Variants in GRM4 observed in about 807,000 individuals in gnomAD.
GRM4 encodes glutamate metabotropic receptor 4.
In GRM4, 28 loss-of-function variants were observed where a neutral mutation model predicts 81.7. That is an observed-to-expected ratio of 0.34 (90% CI 0.25 to 0.47). The LOEUF is 0.47. Ranked by LOEUF, GRM4 falls within the 20% of genes least tolerant of loss-of-function variation. GRM4 has a pLI of 1.00. For synonymous variants in GRM4, 488 were observed against 528.8 expected, an observed-to-expected ratio of 0.92 and a Z score of 1.06; for missense variants, 948 against 1,290.0, an observed-to-expected ratio of 0.73 and a Z score of 4.06.
At chr6:34,142,565 G>C (rs184062952) in intron 1 of GRM4, among the ~76,000 whole-genome samples, 119 of 152,326 alleles carry the variant, frequency 7.8e-4, no homozygotes, top group African/African-American at 2.5e-3. Flanking sequence ...GTGGGGATGG[G>C]TGTGGCCACA....
At chr6:34,038,277 T>A (rs1764820650) in intron 8 of GRM4, among the ~76,000 whole-genome samples, 1 of 152,282 alleles carries the variant, frequency 6.6e-6, no homozygotes. Context: ...TCTGATCCAA[T>A]GAAAGCAGAT....
intron 2 of GRM4, among the ~76,000 whole-genome samples, chr6:34,119,265 G>A (rs762345097): frequency 1.1e-4 from 16 of 152,248 alleles, no homozygotes; most frequent in Non-Finnish European, 2.4e-4. Flanking sequence ...GCATGGTGGC[G>A]GGCGCCTGTA....
In GRM4 at chr6:34,062,089, T is replaced by A; in HGVS notation, c.737-61A>T. 4 of 1,547,846 alleles carry A rather than the reference T, an allele frequency of 2.6e-6. No individual in the cohort carries two copies. In the South Asian group the frequency reaches 4.8e-5, roughly 19 times the overall value. On this transcript the variant is annotated intron_variant, in intron 3 of 10. Transcript: ENST00000538487. ...GGGAACCTGAGTCTCCCCACCACTC[T>A]CCCAACATACACTCCGGGAGATGGG...
At chr6:34,075,518 TGGA>T (rs901735148) in intron 3 of GRM4, among the ~76,000 whole-genome samples, 6 of 152,170 alleles carry the variant, frequency 3.9e-5, no homozygotes, top group African/African-American at 1.2e-4. Context: ...TTTCCTGCAG[TGGA>T]AGCTCATCGT....
chr6:34,140,700 T>A, intron 1 of GRM4, among the ~76,000 whole-genome samples: 1 of 152,120 alleles, frequency 6.6e-6, no homozygotes, highest in East Asian at 1.9e-4. Context: ...CTCCTCCCCA[T>A]CCCTACATGC....
Position 34,036,316 on chromosome 6 carries a change from G to T in GRM4, c.1794C>A (p.Gly598=), listed in dbSNP as rs1222246943. Residue 598 remains glycine (G), a synonymous_variant, in exon 9 of 11, where the codon GGC becomes GGA. Coordinates refer to ENST00000538487, the MANE Select transcript of GRM4 (RefSeq NM_000841.4). The surrounding 1 kb of genome is among the most constrained non-coding windows in gnomAD (Gnocchi z 9.0). ...TCACCACGAACAACGTGGCAGCGAT[G>T]CCCACCACGGCCAGGAAGAGGGGCA... ...AVLPLFLAVV[G]IAATLFVVIT... The T allele has an allele frequency of 6.2e-7, 1 of 1,614,064 alleles. No individual in the cohort carries two copies. Among genetic ancestry groups the T allele is most frequent in the East Asian group, 2.2e-5 (1 of 44,884 alleles).
At chr6:34,125,221 C>A (rs550114614) in intron 2 of GRM4, among the ~76,000 whole-genome samples, 2 of 152,340 alleles carry the variant, frequency 1.3e-5, no homozygotes, top group East Asian at 3.9e-4. Context: ...GATCCGCCCG[C>A]CTTGGCTTCC....
chr6:34,045,697 G>A (rs930082797), intron 6 of GRM4, among the ~76,000 whole-genome samples: 2 of 152,218 alleles, frequency 1.3e-5, no homozygotes, highest in Non-Finnish European at 2.9e-5. Context: ...CAGGAAGGTG[G>A]CAGTGAAGAG....
At position 34,069,646 on chromosome 6, in the gene GRM4, C is replaced by CTG. The variant is rs1561788860; in HGVS notation, c.737-7619_737-7618insCA. On this transcript the variant is annotated intron_variant, in intron 3 of 10. Coordinates refer to ENST00000538487, the MANE Select transcript of GRM4 (RefSeq NM_000841.4). The surrounding 1 kb of genome is among the most constrained non-coding windows in gnomAD (Gnocchi z 6.4). Reference sequence around the variant, plus strand: ...CGGCTTTACAACCCTTGGCAGCCCCCAGTGTGTGTGTGTGTGTGTGTGTGT... The same window carrying CTG: ...CGGCTTTACAACCCTTGGCAGCCCCCTGAGTGTGTGTGTGTGTGTGTGTGTGT... Among the ~76,000 whole-genome samples, 4 of 125,992 alleles carry CTG rather than the reference C, an allele frequency of 3.2e-5. No individual in the cohort carries two copies. Among genetic ancestry groups the CTG allele is most frequent in the Non-Finnish European group, 6.3e-5 (4 of 63,272 alleles). The allele number at this position is 125,992 out of a possible 152,430, so 82.7% of individuals were successfully genotyped here.
chr6:34,122,594 A>G (rs1769854303), intron 2 of GRM4, among the ~76,000 whole-genome samples: 1 of 136,804 alleles, frequency 7.3e-6, no homozygotes, highest in African/African-American at 2.7e-5. Flanking sequence ...ATGAAGGCAC[A>G]TGGTTCATTC....
chr6:34,070,569 G>T lies in GRM4; in HGVS notation c.737-8541C>A, dbSNP rs145537807. 2.6e-3 allele frequency among the ~76,000 whole-genome samples: 402 copies of T among 152,088 alleles called. 1 individual carries two copies. The highest frequency in any genetic ancestry group is 9.3e-3 in the African/African-American group (385 of 41,458). The stretch of plus-strand genomic sequence containing the variant: ...GCCCCCTGGAGCCAACACCTCTGGG[G>T]AGCGGGTAAGGCCTAGTGGGGTGGG... On this transcript the variant is annotated intron_variant, in intron 3 of 10. Transcript: ENST00000538487. The surrounding 1 kb of genome is among the most constrained non-coding windows in gnomAD (Gnocchi z 4.6).
chr6:34,059,070 A>G lies in GRM4; in HGVS notation c.931T>C (p.Ser311Pro), dbSNP rs1766048346. Residue 311 changes from serine (S) to proline (P), a missense_variant, in exon 5 of 11, where the codon TCT becomes CCT. Physicochemically the swap from Ser to Pro is moderately conservative, Grantham distance 74. Transcript: ENST00000538487. The surrounding 1 kb of genome is among the most constrained non-coding windows in gnomAD (Gnocchi z 5.7). Reference sequence around the variant, plus strand: ...GCAATCTTGGAGCCCCAGCTGTCAGAGCCCATCCAGAAGAAATGGCCTGTC... The same window carrying G: ...GCAATCTTGGAGCCCCAGCTGTCAGGGCCCATCCAGAAGAAATGGCCTGTC... ...NQTGHFFWMG[S>P]DSWGSKIAPV... The G allele has an allele frequency of 6.2e-7, 1 of 1,613,978 alleles. No homozygotes were observed. The highest frequency in any genetic ancestry group is 8.5e-7 in the Non-Finnish European group (1 of 1,179,964).
intron 2 of GRM4, among the ~76,000 whole-genome samples, chr6:34,095,562 C>G (rs1250914830): frequency 6.6e-6 from 1 of 152,242 alleles, no homozygotes; most frequent in Non-Finnish European, 1.5e-5. Flanking sequence ...TCAAGCAAAG[C>G]ACTCAGAACA....
intron 3 of GRM4, among the ~76,000 whole-genome samples, chr6:34,075,013 G>A: frequency 6.7e-6 from 1 of 149,582 alleles, no homozygotes; most frequent in East Asian, 2.0e-4. Flanking sequence ...CTCAAGGCTT[G>A]CACAGCGTCA....
chr6:34,048,154 T>C lies in GRM4; in HGVS notation c.1169-7406A>G, dbSNP rs1325672949. Among the ~76,000 whole-genome samples, 1 of 152,166 alleles carries C rather than the reference T, an allele frequency of 6.6e-6. No homozygotes were observed. Among genetic ancestry groups the C allele is most frequent in the Admixed American group, 6.5e-5 (1 of 15,282 alleles). ...CTGCGAATCTGGCCTCAAGAATGTG[T>C]CCTCAGATGTCCACAGACCTAGCTT... On this transcript the variant is annotated intron_variant, in intron 6 of 10. Coordinates refer to ENST00000538487, the MANE Select transcript of GRM4 (RefSeq NM_000841.4). This position sits in a 1 kb window ranked among gnomAD's most constrained non-coding sequence, Gnocchi z 4.0.
chr6:34,093,074 G>C (rs1430979692), intron 2 of GRM4, among the ~76,000 whole-genome samples: 1 of 152,036 alleles, frequency 6.6e-6, no homozygotes, highest in African/African-American at 2.4e-5. Flanking sequence ...AGGGAGACAG[G>C]GGTGGGGAAT....
At chr6:34,139,689 C>G (rs1204518625) in intron 1 of GRM4, among the ~76,000 whole-genome samples, 6 of 152,234 alleles carry the variant, frequency 3.9e-5, no homozygotes, top group Non-Finnish European at 8.8e-5. Flanking sequence ...AGGAAAGACT[C>G]AGTAACTGAC....
At position 34,035,837 on chromosome 6, in the gene GRM4, C is replaced by A. The variant is rs1317672758; in HGVS notation, c.2273G>T (p.Gly758Val). The stretch of plus-strand genomic sequence containing the variant: ...CGTGACCATGAGCAGCATGCTGTAG[C>A]CCAGCAGGCAGATGAGCGACAGGTC... ...ISDLSLICLL[G>V]YSMLLMVTCT... is the part of the protein sequence containing the mutation. Residue 758 changes from glycine to valine, a missense_variant, in exon 9 of 11, where the codon GGC becomes GTC. Physicochemically the swap from Gly to Val is moderately radical, Grantham distance 109. Transcript: ENST00000538487. This position sits in a 1 kb window ranked among gnomAD's most constrained non-coding sequence, Gnocchi z 6.6. 1 of 1,613,110 alleles carries A rather than the reference C, an allele frequency of 6.2e-7. No individual in the cohort carries two copies. The highest frequency in any genetic ancestry group is 2.2e-5 in the East Asian group (1 of 44,828).
chr6:34,133,501 G>A lies in GRM4; in HGVS notation c.-5C>T, dbSNP rs1770333202. The A allele has an allele frequency of 3.2e-6, 5 of 1,551,866 alleles. No individual in the cohort carries two copies. The East Asian group carries it at 1.1e-4, about 35-fold the overall frequency. On this transcript the variant is annotated 5_prime_UTR_variant, in exon 2 of 11. Coordinates refer to ENST00000538487, the MANE Select transcript of GRM4 (RefSeq NM_000841.4). This position sits in a 1 kb window ranked among gnomAD's most constrained non-coding sequence, Gnocchi z 6.5. ...CAAGCCTCTCTTCCCAGGCATCTCG[G>A]AAATCCCTAGAGACCCATGAACGGC... is the stretch of plus-strand genomic sequence containing the variant.
Sources: gnomAD v4.1 joint callset for allele counts (sites outside exome capture counted in the v4.1 genomes callset) on GRCh38, gnomAD v4.1.1 for gene constraint, Gnocchi (gnomAD v3.1) non-coding constraint, MANE v1.5 for transcripts, NCBI Gene and HGNC (gene_info 2026-07-23, HGNC 2026-07-21) for gene names.